DTHD1: variants seen among roughly 807,000 people sequenced by gnomAD.
The protein encoded by DTHD1 is death domain-containing protein 1.
Under a neutral mutation model 74.8 loss-of-function variants are expected in DTHD1, and 59 were observed. The observed-to-expected ratio is 0.79, with a 90% CI of 0.64 to 0.98. The LOEUF is 0.98. Among genes scored for constraint, DTHD1 ranks in the 50% least tolerant of loss-of-function variants. The pLI is 0.00. For missense variants in DTHD1, 1,051 were observed against 1,065.4 expected (o/e 0.99, Z 0.19); for synonymous variants, 365 against 371.1 (o/e 0.98, Z 0.19).
intron 6 of DTHD1, 48 bp from the exon 7 acceptor site, chr4:36,308,156 C>G (rs751698031): frequency 1.3e-6 from 2 of 1,514,908 alleles, no homozygotes; most frequent in Non-Finnish European, 1.8e-6. Flanking sequence ...CAGTGATGTT[C>G]TTGACACTGC....
chr4:36,288,497 G>A (rs371461392), intron 2 of DTHD1, among the ~76,000 whole-genome samples: 1 of 152,164 alleles, frequency 6.6e-6, no homozygotes, highest in Non-Finnish European at 1.5e-5. Context: ...GGTGAGAAAC[G>A]AGGATGCAGT....
chr4:36,327,793 T>C (rs1480705465), intron 8 of DTHD1, among the ~76,000 whole-genome samples: 1 of 152,230 alleles, frequency 6.6e-6, no homozygotes, highest in Non-Finnish European at 1.5e-5. Flanking sequence ...ATTTATATTT[T>C]CTGAAATATC....
intron 7 of DTHD1, among the ~76,000 whole-genome samples, chr4:36,313,493 GC>G (rs1490704956): frequency 6.6e-6 from 1 of 150,844 alleles, no homozygotes; most frequent in African/African-American, 2.4e-5. Flanking sequence ...TTGTTCAGGG[GC>G]CAGGAGTCTT....
intron 7 of DTHD1, among the ~76,000 whole-genome samples, chr4:36,309,902 A>T (rs1757290921): frequency 6.6e-6 from 1 of 152,196 alleles, no homozygotes; most frequent in East Asian, 1.9e-4. Flanking sequence ...TGCCATCCTC[A>T]TGTCCATGTG....
chr4:36,326,605 A>C (rs575905359), intron 8 of DTHD1, among the ~76,000 whole-genome samples: 2 of 152,352 alleles, frequency 1.3e-5, no homozygotes, highest in African/African-American at 2.4e-5. Flanking sequence ...AGCACTGCTC[A>C]TTCAATTTTG....
chr4:36,337,818 CACTT>C (rs1759096598), intron 8 of DTHD1, among the ~76,000 whole-genome samples: 1 of 152,280 alleles, frequency 6.6e-6, no homozygotes, highest in East Asian at 1.9e-4. Context: ...TAACATGTAA[CACTT>C]ACATCATCCT....
chr4:36,310,487 G>T (rs1031925440), intron 7 of DTHD1, among the ~76,000 whole-genome samples: 7 of 152,150 alleles, frequency 4.6e-5, no homozygotes, highest in Admixed American at 2.6e-4. Flanking sequence ...GTGTAAAAAT[G>T]AGGTGAGAGG....
intron 8 of DTHD1, among the ~76,000 whole-genome samples, chr4:36,319,014 T>C (rs1381202047): frequency 2.0e-5 from 3 of 152,228 alleles, no homozygotes; most frequent in Non-Finnish European, 4.4e-5. Flanking sequence ...GCTGCTTCTT[T>C]ATCATTCAGG....
At position 36,334,880 on chromosome 4, in the gene DTHD1, G is replaced by A. The variant is rs1262046955; in HGVS notation, c.2341-4232G>A. On this transcript the variant is annotated intron_variant, in intron 8 of 9. Transcript: ENST00000639862. ...AATGTATGATGATAACAATCCTTGT[G>A]ATTGTCCATGGAGGGCCATTCTGGC... Among the ~76,000 whole-genome samples the A allele has an allele frequency of 2.6e-5, 4 of 152,182 alleles. No homozygotes were observed. In the East Asian group the frequency reaches 7.7e-4, roughly 29 times the overall value.
At chr4:36,300,636 A>ATTATTCTAAATGTG (rs1553967780) in intron 5 of DTHD1, among the ~76,000 whole-genome samples, 1 of 151,422 alleles carries the variant, frequency 6.6e-6, no homozygotes, top group East Asian at 1.9e-4. Context: ...TACACTAAAG[A>ATTATTCTAAATGTG]TTATTCTAAA....
chr4:36,304,706 G>T (rs1309375326), intron 5 of DTHD1, among the ~76,000 whole-genome samples: 1 of 152,156 alleles, frequency 6.6e-6, no homozygotes, highest in Non-Finnish European at 1.5e-5. Context: ...TCCTTTAGTT[G>T]TAGGGAACAG....
intron 5 of DTHD1, among the ~76,000 whole-genome samples, chr4:36,297,225 G>T (rs1283230507): frequency 6.6e-6 from 1 of 152,116 alleles, no homozygotes; most frequent in Non-Finnish European, 1.5e-5. Flanking sequence ...CACACCTACA[G>T]AATTCAAACC....
intron 8 of DTHD1, 23 bp from the exon 9 acceptor site, chr4:36,339,089 T>A (rs1009023141): frequency 1.2e-5 from 18 of 1,532,584 alleles, no homozygotes; most frequent in Non-Finnish European, 1.8e-6. Flanking sequence ...TTCTGTTTAT[T>A]TTGTGTTCCT....
At position 36,339,150 on chromosome 4, in the gene DTHD1, A is replaced by G. The variant is rs773475617; in HGVS notation, c.2379A>G (p.Arg793=). The G allele has an allele frequency of 5.9e-5, 92 of 1,547,682 alleles. 1 individual carries two copies. The highest frequency in any genetic ancestry group is 3.3e-4 in the Middle Eastern group (2 of 5,994). Residue 793 remains arginine (R), a synonymous_variant, in exon 9 of 10, where the codon AGA becomes AGG. Transcript: ENST00000639862. ...TCAACCGTCCACAGAGTACCAAAAG[A>G]GTTTCTAAGGATCCTGTAGGTGAGG... ...KLINRPQSTK[R]VSKDPVEALW... is the part of the protein sequence containing the mutation.
At chr4:36,331,968 C>T (rs1036245886) in intron 8 of DTHD1, among the ~76,000 whole-genome samples, 1 of 151,964 alleles carries the variant, frequency 6.6e-6, no homozygotes, top group Admixed American at 6.6e-5. Flanking sequence ...AATTATTGAC[C>T]GCACAAGGAA....
At position 36,322,052 on chromosome 4, in the gene DTHD1, T is replaced by C. The variant is rs560420075; in HGVS notation, c.2340+5566T>C. On this transcript the variant is annotated intron_variant, in intron 8 of 9. Coordinates refer to ENST00000639862, the MANE Select transcript of DTHD1 (RefSeq NM_001170700.3). The stretch of plus-strand genomic sequence containing the variant: ...TTCACCTTCTCTCTGTGGTTTACCC[T>C]GACTCTAACATTGCAATCTACTCTT... Among the ~76,000 whole-genome samples the C allele has an allele frequency of 7.2e-5, 11 of 152,360 alleles. No homozygotes were observed. In the South Asian group the frequency reaches 2.1e-3, roughly 29 times the overall value.
Position 36,283,978 on chromosome 4 carries a change from A to C in DTHD1, c.274A>C (p.Ile92Leu). 6.5e-7 allele frequency: 1 copy of C among 1,527,996 alleles called. No individual in the cohort carries two copies. The highest frequency in any genetic ancestry group is 8.8e-7 in the Non-Finnish European group (1 of 1,139,640). 94.7% of individuals were successfully genotyped at this position (1,527,996 alleles called of 1,614,324 possible). ...KENQCVSRKE[I>L]ITFIDCLIKI... ...TGTGTCCATGTATGTGTGTGTAGAA[A>C]TCATTACTTTCATAGACTGCCTCAT... Residue 92 changes from isoleucine (I) to leucine (L), a missense_variant and splice_region_variant, in exon 2 of 10, where the codon ATC (isoleucine) becomes CTC (leucine). Coordinates refer to ENST00000639862, the MANE Select transcript of DTHD1 (RefSeq NM_001170700.3).
At position 36,346,228 on chromosome 4, in the gene DTHD1, C is replaced by A. The variant is rs984564474; in HGVS notation, c.*2404C>A. On this transcript the variant is annotated 3_prime_UTR_variant, in exon 10 of 10. Transcript: ENST00000639862. ...TACGCATACACTCATTAATATGCCTCCCCCACAGACACATGCACACACACA... is the reference window on the plus strand; with the variant it reads ...TACGCATACACTCATTAATATGCCTACCCCACAGACACATGCACACACACA... Among the ~76,000 whole-genome samples, 2 of 151,720 alleles carry A rather than the reference C, an allele frequency of 1.3e-5. No individual in the cohort carries two copies. The highest frequency in any genetic ancestry group is 2.9e-5 in the Non-Finnish European group (2 of 67,880).
At chr4:36,328,596 C>G (rs1374246696) in intron 8 of DTHD1, among the ~76,000 whole-genome samples, 1 of 152,180 alleles carries the variant, frequency 6.6e-6, no homozygotes, top group Non-Finnish European at 1.5e-5. Flanking sequence ...TCACTTTCTG[C>G]CATACTTATT....
Sources: allele counts gnomAD v4.1 joint callset (sites outside exome capture counted in the v4.1 genomes callset), GRCh38; gene constraint gnomAD v4.1.1; transcripts MANE v1.5; gene names NCBI Gene and HGNC (gene_info 2026-07-23, HGNC 2026-07-21).